The following ARHGAP42 variants were observed in gnomAD, a reference collection of about 807,000 sequenced individuals.
ARHGAP42 encodes the protein rho GTPase-activating protein 42.
A neutral mutation model predicts 125.0 loss-of-function variants in ARHGAP42; 63 were observed. That is an observed-to-expected ratio of 0.50 (90% CI 0.41 to 0.62). The LOEUF is 0.62. Ranked by LOEUF, ARHGAP42 falls within the 20% of genes least tolerant of loss-of-function variation. The pLI, the probability that ARHGAP42 is intolerant of heterozygous loss-of-function variation, is 0.00. For synonymous variants in ARHGAP42, 339 were observed against 351.0 expected, an observed-to-expected ratio of 0.97 and a Z score of 0.38; for missense variants, 766 against 1,024.2, an observed-to-expected ratio of 0.75 and a Z score of 3.44.
intron 1 of ARHGAP42, among the ~76,000 whole-genome samples, chr11:100,706,401 A>G (rs1172863222): frequency 1.3e-5 from 2 of 152,204 alleles, no homozygotes; most frequent in African/African-American, 4.8e-5. Flanking sequence ...TGAAGTCTAC[A>G]GGTGGTCATT....
intron 22 of ARHGAP42, among the ~76,000 whole-genome samples, chr11:100,980,559 C>CTTCTTTTTTTTTTTTCTTT (rs1555037006): frequency 1.9e-5 from 1 of 51,964 alleles, no homozygotes. Flanking sequence ...TTTTCTTCTT[C>CTTCTTTTTTTTTTTTCTTT]TTTTTTTTTT....
chr11:100,810,189 T>C (rs930775417), intron 3 of ARHGAP42, among the ~76,000 whole-genome samples: 1 of 151,906 alleles, frequency 6.6e-6, no homozygotes, highest in Non-Finnish European at 1.5e-5. Context: ...AGGACTTACA[T>C]GTGTAAAATT....
rs529190665 is a variant in ARHGAP42 at position 100,735,020 on chromosome 11, C to A, written c.155-35323C>A. Among the ~76,000 whole-genome samples, 879 of 152,112 alleles carry A rather than the reference C, an allele frequency of 5.8e-3. 5 individuals carry two copies. Among genetic ancestry groups the A allele is most frequent in the African/African-American group, 0.02 (819 of 41,412 alleles). ...AACAACAAAACAACAACAACAACAA[C>A]AACAACAAAACCCTGTGTTTGGGGT... On this transcript the variant is annotated intron_variant, in intron 1 of 23. Coordinates refer to ENST00000298815, the MANE Select transcript of ARHGAP42 (RefSeq NM_152432.4).
intron 10 of ARHGAP42, among the ~76,000 whole-genome samples, chr11:100,946,804 A>G (rs1868033165): frequency 1.3e-5 from 2 of 152,042 alleles, no homozygotes; most frequent in African/African-American, 4.8e-5. Context: ...AATCACCAAA[A>G]TGTGATACAG....
intron 3 of ARHGAP42, among the ~76,000 whole-genome samples, chr11:100,822,575 T>G (rs1864427841): frequency 6.6e-6 from 1 of 152,144 alleles, no homozygotes; most frequent in Admixed American, 6.5e-5. Context: ...TCAGCCATGG[T>G]GGGGATGATT....
chr11:100,927,688 C>T (rs1212774230), intron 6 of ARHGAP42, among the ~76,000 whole-genome samples: 1 of 152,192 alleles, frequency 6.6e-6, no homozygotes, highest in African/African-American at 2.4e-5. Flanking sequence ...GTCAATGCCT[C>T]TGTTCCTTTA....
chr11:100,992,617 C>G lies in ARHGAP42; in HGVS notation c.*3816C>G, dbSNP rs1219740527. The G allele has an allele frequency of 6.2e-7, 1 of 1,613,832 alleles. No homozygotes were observed. Among genetic ancestry groups the G allele is most frequent in the Non-Finnish European group, 8.5e-7 (1 of 1,179,922 alleles). On this transcript the variant is annotated 3_prime_UTR_variant, in exon 24 of 24. Transcript: ENST00000298815. Reference sequence around the variant, plus strand: ...TCCTGAACACATTCACTGTATCCCTCATTGTCACCGTTATCCCCCTGCTTC... The same window carrying G: ...TCCTGAACACATTCACTGTATCCCTGATTGTCACCGTTATCCCCCTGCTTC...
chr11:100,752,968 T>A (rs536111571), intron 1 of ARHGAP42, among the ~76,000 whole-genome samples: 1 of 152,310 alleles, frequency 6.6e-6, no homozygotes, highest in East Asian at 1.9e-4. Context: ...GTGATGGGAT[T>A]TGTGCTTGCT....
At chr11:100,822,266 TTAGAC>T (rs2135078391) in intron 3 of ARHGAP42, among the ~76,000 whole-genome samples, 1 of 152,276 alleles carries the variant, frequency 6.6e-6, no homozygotes, top group South Asian at 2.1e-4. Context: ...GAGTGTATCT[TTAGAC>T]TAACTTAAGA....
intron 1 of ARHGAP42, among the ~76,000 whole-genome samples, chr11:100,747,118 A>G (rs1862322945): frequency 6.6e-6 from 1 of 152,034 alleles, no homozygotes; most frequent in Non-Finnish European, 1.5e-5. Flanking sequence ...GTGCTAAAAG[A>G]CCTCTTGTTT....
chr11:100,977,078 C>G, intron 21 of ARHGAP42, 107 bp downstream of exon 21: 1 of 1,301,536 alleles, frequency 7.7e-7, no homozygotes, highest in Non-Finnish European at 1.0e-6. Flanking sequence ...ATTGGGAATA[C>G]TTTATCTGTA....
At chr11:100,972,094 C>T (rs1022837472) in intron 17 of ARHGAP42, among the ~76,000 whole-genome samples, 4 of 152,298 alleles carry the variant, frequency 2.6e-5, no homozygotes, top group African/African-American at 7.2e-5. Context: ...CGTCAGTCAG[C>T]GTGGCAGCTT....
rs1858695119 is a variant in ARHGAP42, at chr11:100,987,020, C to T, written c.2457-493C>T. On this transcript the variant is annotated intron_variant, in intron 22 of 23. Coordinates refer to ENST00000298815, the MANE Select transcript of ARHGAP42 (RefSeq NM_152432.4). ...GAAGCTATAGTTGGTTGCCATTTAT[C>T]ATCAACTTATCCTATTATTTTTCCT... Among the ~76,000 whole-genome samples the T allele has an allele frequency of 2.0e-5, 3 of 152,072 alleles. No individual in the cohort carries two copies. In the South Asian group the frequency reaches 6.2e-4, roughly 32 times the overall value.
chr11:100,950,012 A>C, intron 12 of ARHGAP42, 56 bp downstream of exon 12: 1 of 1,085,370 alleles, frequency 9.2e-7, no homozygotes, highest in Non-Finnish European at 1.3e-6. Flanking sequence ...TTTAACACAA[A>C]AGCATTAGGT....
intron 16 of ARHGAP42, among the ~76,000 whole-genome samples, chr11:100,965,152 G>A (rs1179259189): frequency 6.6e-6 from 1 of 151,936 alleles, no homozygotes; most frequent in Non-Finnish European, 1.5e-5. Context: ...AACAGCATAG[G>A]GTAACCGCCC....
chr11:100,982,036 C>A lies in ARHGAP42; in HGVS notation c.2456+2987C>A, dbSNP rs185632538. ...TTTGATGCCATTTAAGAAACTTCTA[C>A]ATAGCAATTACTCTGTATAGGTGAA... On this transcript the variant is annotated intron_variant, in intron 22 of 23. Coordinates refer to ENST00000298815, the MANE Select transcript of ARHGAP42 (RefSeq NM_152432.4). Among the ~76,000 whole-genome samples, 9 of 152,120 alleles carry A rather than the reference C, an allele frequency of 5.9e-5. No homozygotes were observed. In the East Asian group the frequency reaches 1.7e-3, roughly 29 times the overall value.
At chr11:100,877,420 T>G (rs1180355074) in intron 4 of ARHGAP42, among the ~76,000 whole-genome samples, 3 of 152,222 alleles carry the variant, frequency 2.0e-5, no homozygotes, top group African/African-American at 7.2e-5. Context: ...ACTTCTTTGC[T>G]CATGTAAGTT....
chr11:100,704,009 A>G (rs1381571613), intron 1 of ARHGAP42, among the ~76,000 whole-genome samples: 1 of 152,210 alleles, frequency 6.6e-6, no homozygotes, highest in East Asian at 1.9e-4. Context: ...TTGGTGAGAA[A>G]AGAAAATGAT....
At chr11:100,952,136 C>G (rs1289693523) in intron 12 of ARHGAP42, among the ~76,000 whole-genome samples, 1 of 151,980 alleles carries the variant, frequency 6.6e-6, no homozygotes, top group Non-Finnish European at 1.5e-5. Flanking sequence ...TTACTTGAAG[C>G]CTGTTTTTAA....
Sources: allele counts gnomAD v4.1 joint callset (sites outside exome capture counted in the v4.1 genomes callset), GRCh38; gene constraint gnomAD v4.1.1; transcripts MANE v1.5; gene names NCBI Gene and HGNC (gene_info 2026-07-23, HGNC 2026-07-21).